Variants in ACSM1 observed in about 807,000 individuals in gnomAD.
ACSM1 encodes the protein acyl-CoA synthetase medium chain family member 1, also known as acyl-coenzyme A synthetase ACSM1, mitochondrial.
In ACSM1, 79 loss-of-function variants were observed where a neutral mutation model predicts 75.8. The ratio of observed to expected loss-of-function variants is 1.04; its 90% CI spans 0.87 to 1.26. The LOEUF is 1.26. Ranked by LOEUF, ACSM1 falls within the 50% of genes most tolerant of loss-of-function variation. The probability of loss-of-function intolerance (pLI) is 0.00; values close to 1 mark genes in which losing one functional copy is unlikely to be tolerated. For synonymous variants in ACSM1, 279 were observed against 265.8 expected (o/e 1.05, Z -0.48); for missense variants, 676 against 720.1 (o/e 0.94, Z 0.70).
chr16:20,644,924 T>A (rs2018275293), intron 7 of ACSM1, among the ~76,000 whole-genome samples: 1 of 152,222 alleles, frequency 6.6e-6, no homozygotes, highest in Non-Finnish European at 1.5e-5. Flanking sequence ...AAAGTGGTTA[T>A]CTTCAAAATA....
intron 7 of ACSM1, among the ~76,000 whole-genome samples, chr16:20,644,997 T>C (rs2018279997): frequency 6.6e-6 from 1 of 152,192 alleles, no homozygotes; most frequent in East Asian, 1.9e-4. Context: ...CTCTCTGAAA[T>C]GAATTTGCAT....
At chr16:20,672,966 T>A (rs1028996507) in intron 4 of ACSM1, among the ~76,000 whole-genome samples, 3 of 141,334 alleles carry the variant, frequency 2.1e-5, no homozygotes, top group Admixed American at 7.2e-5. Context: ...ATCTCATATA[T>A]AAAATTTATA....
At chr16:20,688,178 G>A (rs756441292) in intron 2 of ACSM1, among the ~76,000 whole-genome samples, 5 of 151,848 alleles carry the variant, frequency 3.3e-5, no homozygotes, top group Non-Finnish European at 5.9e-5. Flanking sequence ...TTCACTAGGG[G>A]TTCAATGGCA....
At chr16:20,681,928 T>C (rs2079454366) in intron 4 of ACSM1, 2 of 232,752 alleles carry the variant, frequency 8.6e-6, no homozygotes, top group Non-Finnish European at 1.7e-5. Flanking sequence ...AGCTGCATGG[T>C]CACTAGACAG....
At chr16:20,626,146 G>T (rs963575617) in intron 11 of ACSM1, among the ~76,000 whole-genome samples, 26 of 152,104 alleles carry the variant, frequency 1.7e-4, no homozygotes, top group African/African-American at 6.3e-4. Context: ...AGCACTGTGG[G>T]AGGCTGAAAC....
chr16:20,671,808 T>C (rs1191024133), intron 4 of ACSM1, 137 bp from the exon 5 acceptor site: 6 of 957,400 alleles, frequency 6.3e-6, no homozygotes, highest in African/African-American at 3.3e-5. Flanking sequence ...TCTCCCGGAG[T>C]TAGGCATCAC....
chr16:20,635,593 TTTCTTTCTTTCTTTCTTTCTTTC>T (rs1401279522), intron 10 of ACSM1, among the ~76,000 whole-genome samples: 8 of 12,726 alleles, frequency 6.3e-4, no homozygotes, highest in Middle Eastern at 0.028. Context: ...TCTTTCTTTC[TTTCTTTCTTTCTTTCTTTCTTTC>T]TTTCTTTCTT....
At chr16:20,683,896 T>C (rs951924849) in intron 3 of ACSM1, among the ~76,000 whole-genome samples, 2 of 152,144 alleles carry the variant, frequency 1.3e-5, no homozygotes, top group Non-Finnish European at 2.9e-5. Context: ...GACCATCTTA[T>C]AGGTCTACAG....
chr16:20,627,689 C>T (rs111829706), intron 10 of ACSM1, among the ~76,000 whole-genome samples: 17,697 of 151,090 alleles, frequency 0.12, 1,554 homozygotes, highest in East Asian at 0.49. Context: ...ATTAGCTGGG[C>T]ATGGTGGTGC....
intron 7 of ACSM1, among the ~76,000 whole-genome samples, chr16:20,652,699 T>C (rs163262): frequency 0.48 from 72,434 of 151,888 alleles, 20,211 homozygotes; most frequent in East Asian, 0.86. Context: ...CAAGACTAAA[T>C]CAGGAAGAAG....
Position 20,635,722 on chromosome 16 carries a change from C to T in ACSM1, c.1299+1017G>A, listed in dbSNP as rs530802300. 4.6e-5 allele frequency among the ~76,000 whole-genome samples: 7 copies of T among 151,888 alleles called. No homozygotes were observed. In the East Asian group the frequency reaches 9.7e-4, roughly 21 times the overall value. On this transcript the variant is annotated intron_variant, in intron 10 of 13. Coordinates refer to ENST00000520010, the MANE Select transcript of ACSM1 (RefSeq NM_001318890.3). ...TGGTGCGATCTTGGTTCACTGCAAC[C>T]TCCGCCTCCCGGGTTTAAGTGATTC... is the stretch of plus-strand genomic sequence containing the variant.
intron 12 of ACSM1, 38 bp from the exon 13 acceptor site, chr16:20,624,253 C>G (rs368351944): frequency 6.4e-7 from 1 of 1,571,742 alleles, no homozygotes; most frequent in Admixed American, 1.8e-5. Context: ...TGAGTGCCAA[C>G]CTACTCCATA....
At chr16:20,660,321 A>G (rs1180208498) in intron 7 of ACSM1, among the ~76,000 whole-genome samples, 3 of 152,226 alleles carry the variant, frequency 2.0e-5, no homozygotes, top group African/African-American at 7.2e-5. Flanking sequence ...TGCATCTAGC[A>G]TGAGGCTCAG....
At chr16:20,679,321 G>T (rs1438083272) in intron 4 of ACSM1, 1 of 152,230 alleles carries the variant, frequency 6.6e-6, no homozygotes, top group Non-Finnish European at 1.5e-5. Flanking sequence ...GCCCTGCTCT[G>T]ACCACACTGG....
At chr16:20,694,073 AGCCT>A (rs1482781330) in intron 1 of ACSM1, among the ~76,000 whole-genome samples, 2 of 152,252 alleles carry the variant, frequency 1.3e-5, no homozygotes, top group Non-Finnish European at 2.9e-5. Context: ...ATTAGGCCAT[AGCCT>A]GTTCCTCTTG....
intron 6 of ACSM1, among the ~76,000 whole-genome samples, chr16:20,667,126 C>T (rs1406031957): frequency 6.6e-6 from 1 of 152,062 alleles, no homozygotes; most frequent in African/African-American, 2.4e-5. Context: ...AGCTTCAGCA[C>T]AGCAAAAGAA....
At position 20,629,077 on chromosome 16, in the gene ACSM1, G is replaced by A. The variant is rs907018777; in HGVS notation, c.1300-1761C>T. Among the ~76,000 whole-genome samples, 9 of 152,160 alleles carry A rather than the reference G, an allele frequency of 5.9e-5. No homozygotes were observed. The East Asian group carries it at 1.3e-3, about 23-fold the overall frequency. ...GTGCTGATATGCTTTGAACTCTCTG[G>A]AAGTCTCAAGAGGAAGACATGCTTC... On this transcript the variant is annotated intron_variant, in intron 10 of 13. Coordinates refer to ENST00000520010, the MANE Select transcript of ACSM1 (RefSeq NM_001318890.3).
intron 10 of ACSM1, among the ~76,000 whole-genome samples, chr16:20,627,559 G>A (rs902970796): frequency 6.6e-6 from 1 of 152,044 alleles, no homozygotes; most frequent in African/African-American, 2.4e-5. Context: ...TGCCACGTGC[G>A]GTGGCTCACG....
intron 2 of ACSM1, 90 bp from the exon 3 acceptor site, chr16:20,685,493 T>C (rs773287621): frequency 5.2e-5 from 62 of 1,202,480 alleles, no homozygotes; most frequent in Admixed American, 4.3e-4. Context: ...CACGTTCCAA[T>C]GTGAACACAG....
Sources: allele counts gnomAD v4.1 joint callset (sites outside exome capture counted in the v4.1 genomes callset), GRCh38; gene constraint gnomAD v4.1.1; transcripts MANE v1.5; gene names NCBI Gene and HGNC (gene_info 2026-07-23, HGNC 2026-07-21).